ESD: variants seen among roughly 807,000 people sequenced by gnomAD.
ESD encodes the protein esterase D.
ESD carries 34 observed loss-of-function variants against 38.1 expected under a neutral mutation model. The ratio of observed to expected loss-of-function variants is 0.89; its 90% confidence interval spans 0.68 to 1.19. The LOEUF is 1.19. Among genes scored for constraint, ESD ranks in the 50% most tolerant of loss-of-function variants. ESD has a pLI of 0.00. For missense variants in ESD, 334 were observed against 327.2 expected (o/e 1.02, Z -0.16); for synonymous variants, 97 against 107.0 (o/e 0.91, Z 0.58).
intron 2 of ESD, among the ~76,000 whole-genome samples, chr13:46,791,677 G>C (rs771806650): frequency 6.6e-6 from 1 of 151,830 alleles, no homozygotes; most frequent in African/African-American, 2.4e-5. Context: ...TTTTTTCGTT[G>C]TGGTGGACTG....
At chr13:46,772,322 G>A (rs2138280108) in intron 9 of ESD, among the ~76,000 whole-genome samples, 1 of 151,804 alleles carries the variant, frequency 6.6e-6, no homozygotes, top group Non-Finnish European at 1.5e-5. Flanking sequence ...ATTGTTGTAG[G>A]TAAATGGAGA....
At chr13:46,790,232 A>C (rs1205169863) in intron 3 of ESD, among the ~76,000 whole-genome samples, 1 of 152,130 alleles carries the variant, frequency 6.6e-6, no homozygotes, top group Non-Finnish European at 1.5e-5. Context: ...ATATCAAATT[A>C]AAGACTTTAT....
chr13:46,777,436 TAA>T lies in ESD; in HGVS notation c.768+18_768+19del. On this transcript the variant is annotated intron_variant, in intron 9 of 9. Coordinates refer to ENST00000378720, the MANE Select transcript of ESD (RefSeq NM_001984.2). The stretch of plus-strand genomic sequence containing the variant: ...CATAGTTACATTATCTAGATCAAGC[TAA>T]AGTTTCCTAATACTTGCCTCTTGCA... 1 of 1,583,178 alleles carries T rather than the reference TAA, an allele frequency of 6.3e-7. No homozygotes were observed. Among genetic ancestry groups the T allele is most frequent in the Non-Finnish European group, 8.6e-7 (1 of 1,161,064 alleles).
At chr13:46,788,673 CA>C (rs10599927) in intron 3 of ESD, among the ~76,000 whole-genome samples, 15,507 of 82,334 alleles carry the variant, frequency 0.19, 833 homozygotes, top group East Asian at 0.48. Flanking sequence ...TATGTAAAAG[CA>C]AAAAAAAAAA....
intron 6 of ESD, 76 bp from the exon 7 acceptor site, chr13:46,781,691 T>C: frequency 2.9e-6 from 4 of 1,356,404 alleles, no homozygotes; most frequent in South Asian, 1.2e-5. Flanking sequence ...CAGAAAATAA[T>C]TACACAATCA....
intron 7 of ESD, 76 bp from the exon 8 acceptor site, chr13:46,780,109 T>A: frequency 1.0e-6 from 1 of 980,910 alleles, no homozygotes; most frequent in Non-Finnish European, 1.5e-6. Context: ...GCAACTTACT[T>A]AAAAATATAG....
intron 9 of ESD, chr13:46,775,686 G>C: frequency 2.1e-6 from 1 of 469,550 alleles, no homozygotes; most frequent in South Asian, 1.6e-5. Context: ...CTCTTAACCC[G>C]ACCATGCTGG....
At chr13:46,780,960 T>G (rs188839139) in intron 7 of ESD, among the ~76,000 whole-genome samples, 1 of 151,742 alleles carries the variant, frequency 6.6e-6, no homozygotes, top group Non-Finnish European at 1.5e-5. Context: ...CTGCACAGTA[T>G]GACATACTAC....
At chr13:46,771,838 A>G (rs914164797) in intron 9 of ESD, among the ~76,000 whole-genome samples, 2 of 152,150 alleles carry the variant, frequency 1.3e-5, no homozygotes, top group Non-Finnish European at 2.9e-5. Context: ...TGTAGAGTGC[A>G]TTAAATATGC....
intron 7 of ESD, 100 bp downstream of exon 7, chr13:46,781,396 A>T: frequency 9.0e-7 from 1 of 1,115,470 alleles, no homozygotes; most frequent in Non-Finnish European, 1.2e-6. Flanking sequence ...AGAAAAGTTT[A>T]GTTCCAATAC....
At chr13:46,781,428 C>A (rs1874995684) in intron 7 of ESD, 68 bp downstream of exon 7, 5 of 1,403,022 alleles carry the variant, frequency 3.6e-6, no homozygotes, top group Non-Finnish European at 4.9e-6. Context: ...TAATTTTACT[C>A]TTTGAAGGTT....
intron 1 of ESD, among the ~76,000 whole-genome samples, chr13:46,795,686 T>C (rs756286429): frequency 6.6e-5 from 10 of 152,034 alleles, no homozygotes; most frequent in Admixed American, 1.3e-4. Context: ...ACTGAAAAAA[T>C]AGATGAATAA....
intron 6 of ESD, among the ~76,000 whole-genome samples, chr13:46,782,039 T>G (rs890628923): frequency 6.6e-6 from 1 of 151,778 alleles, no homozygotes; most frequent in Non-Finnish European, 1.5e-5. Context: ...TTATGGCATA[T>G]GACAGAATAT....
chr13:46,779,708 TATATATATATATATAAA>T (rs972599512), intron 8 of ESD, among the ~76,000 whole-genome samples: 1 of 143,048 alleles, frequency 7.0e-6, no homozygotes, highest in African/African-American at 2.6e-5. Context: ...TGTTGATTTA[TATATATATATATATAAA>T]ATAATATATA....
intron 1 of ESD, among the ~76,000 whole-genome samples, chr13:46,795,593 G>A (rs1875544926): frequency 6.6e-6 from 1 of 152,114 alleles, no homozygotes; most frequent in Non-Finnish European, 1.5e-5. Context: ...GAAAGTCACT[G>A]AAATGGAAGA....
chr13:46,774,820 G>C (rs1298682163), intron 9 of ESD, among the ~76,000 whole-genome samples: 1 of 152,156 alleles, frequency 6.6e-6, no homozygotes, highest in East Asian at 1.9e-4. Flanking sequence ...CAAGTATTGA[G>C]AGTCTCTGTG....
chr13:46,788,559 T>C (rs1012472740), intron 3 of ESD, among the ~76,000 whole-genome samples: 4 of 151,956 alleles, frequency 2.6e-5, no homozygotes, highest in Non-Finnish European at 5.9e-5. Context: ...GTATATTTCA[T>C]GTTGTTTTGT....
At chr13:46,794,287 GCATAATA>G (rs1313854771) in intron 1 of ESD, among the ~76,000 whole-genome samples, 2 of 152,124 alleles carry the variant, frequency 1.3e-5, no homozygotes, top group East Asian at 3.8e-4. Context: ...GTCTCTCAGT[GCATAATA>G]CATCCATTCC....
chr13:46,782,646 T>A (rs975744012), intron 6 of ESD, 21 bp downstream of exon 6: 4 of 1,609,672 alleles, frequency 2.5e-6, no homozygotes, highest in Non-Finnish European at 1.7e-6. Flanking sequence ...CAATTAATAA[T>A]TACAATACAA....
Sources: gnomAD v4.1 joint callset for allele counts (sites outside exome capture counted in the v4.1 genomes callset) on GRCh38, gnomAD v4.1.1 for gene constraint, MANE v1.5 for transcripts, NCBI Gene and HGNC (gene_info 2026-07-23, HGNC 2026-07-21) for gene names.